The following BRD7 variants were observed in gnomAD, a reference collection of about 807,000 sequenced individuals.
BRD7 encodes bromodomain containing 7.
In BRD7, 15 loss-of-function variants were observed where a neutral mutation model predicts 82.1. The observed-to-expected ratio is 0.18, with a 90% CI of 0.12 to 0.28. The LOEUF (loss-of-function observed/expected upper bound fraction) is 0.28. BRD7 is among the 10% of genes least tolerant of loss of function. The pLI, the probability that BRD7 is intolerant of heterozygous loss-of-function variation, is 1.00. For synonymous variants in BRD7, 232 were observed against 266.9 expected (o/e 0.87, Z 1.27); for missense variants, 638 against 779.9 (o/e 0.82, Z 2.17).
chr16:50,354,406 A>G lies in BRD7; in HGVS notation c.446+19T>C, dbSNP rs767893002. On this transcript the variant is annotated intron_variant, in intron 4 of 16. Coordinates refer to ENST00000394688, the MANE Select transcript of BRD7 (RefSeq NM_013263.5). ...CCATTTTAATTTCTATGTTATAAAA[A>G]TATTGGAAAAACATTTACCTCTGCA... 22 of 1,597,788 alleles carry G rather than the reference A, an allele frequency of 1.4e-5. No homozygotes were observed. The African/African-American group carries it at 2.8e-4, about 20-fold the overall frequency.
At chr16:50,325,934 T>C (rs180845857) in intron 10 of BRD7, 51 bp from the exon 11 acceptor site, 1 of 1,511,606 alleles carries the variant, frequency 6.6e-7, no homozygotes, top group African/African-American at 1.4e-5. Flanking sequence ...TGCATGTCAA[T>C]CTATTTTGTT....
chr16:50,368,369 A>G (rs2039232891), intron 1 of BRD7, 71 bp from the exon 2 acceptor site: 1 of 1,497,216 alleles, frequency 6.7e-7, no homozygotes, highest in Non-Finnish European at 9.1e-7. Context: ...AGTGCTAAGG[A>G]TGCAGAGCGC....
intron 6 of BRD7, among the ~76,000 whole-genome samples, chr16:50,335,917 A>T (rs974532567): frequency 1.3e-5 from 2 of 152,234 alleles, no homozygotes; most frequent in Non-Finnish European, 2.9e-5. Flanking sequence ...AAACCATTAA[A>T]GCGATCTATT....
chr16:50,365,205 G>T (rs1567293453), intron 2 of BRD7, among the ~76,000 whole-genome samples: 1 of 152,216 alleles, frequency 6.6e-6, no homozygotes, highest in Non-Finnish European at 1.5e-5. Context: ...AAACTGGGTG[G>T]TAAGACCTTC....
intron 5 of BRD7, among the ~76,000 whole-genome samples, chr16:50,346,172 A>G (rs1429580668): frequency 1.3e-5 from 2 of 152,168 alleles, no homozygotes; most frequent in South Asian, 2.1e-4. Flanking sequence ...AATGACTACC[A>G]GGTACATAAC....
intron 8 of BRD7, among the ~76,000 whole-genome samples, chr16:50,329,032 G>A (rs561170605): frequency 2.2e-4 from 34 of 152,150 alleles, no homozygotes; most frequent in East Asian, 1.9e-3. Flanking sequence ...TCATCATGTC[G>A]GAGCTCAAAA....
chr16:50,333,985 G>T (rs964231545), intron 7 of BRD7, among the ~76,000 whole-genome samples: 5 of 152,188 alleles, frequency 3.3e-5, no homozygotes, highest in Non-Finnish European at 7.4e-5. Flanking sequence ...ACATTACTTT[G>T]AAGGGAGAAC....
At chr16:50,341,607 C>T (rs1219105486) in intron 5 of BRD7, among the ~76,000 whole-genome samples, 4 of 145,602 alleles carry the variant, frequency 2.7e-5, no homozygotes, top group African/African-American at 7.8e-5. Flanking sequence ...CATGCCACTG[C>T]ACTCCAGCCT....
intron 8 of BRD7, among the ~76,000 whole-genome samples, chr16:50,331,676 C>A (rs1320378168): frequency 6.6e-6 from 1 of 152,204 alleles, no homozygotes; most frequent in East Asian, 1.9e-4. Context: ...CACACTCCAG[C>A]CTGGGCGACA....
intron 2 of BRD7, among the ~76,000 whole-genome samples, chr16:50,364,143 T>C (rs992670572): frequency 3.3e-5 from 5 of 152,044 alleles, no homozygotes; most frequent in Admixed American, 2.0e-4. Context: ...TTCTGGTTAG[T>C]AAAACATAAG....
At chr16:50,363,900 T>C (rs2039037123) in intron 2 of BRD7, among the ~76,000 whole-genome samples, 1 of 151,984 alleles carries the variant, frequency 6.6e-6, no homozygotes, top group South Asian at 2.1e-4. Flanking sequence ...TACAAAAGAA[T>C]GTTTTTGAAA....
At chr16:50,321,914 C>T in intron 13 of BRD7, 68 bp downstream of exon 13, 1 of 1,459,986 alleles carries the variant, frequency 6.8e-7, no homozygotes, top group Non-Finnish European at 9.5e-7. Flanking sequence ...CCTTCCCATT[C>T]TCAAGACTTC....
At chr16:50,346,531 AAG>A (rs1491117546) in intron 5 of BRD7, among the ~76,000 whole-genome samples, 2 of 152,190 alleles carry the variant, frequency 1.3e-5, no homozygotes, top group African/African-American at 2.4e-5. Flanking sequence ...TAGCAAGACT[AAG>A]AAGAAAACAG....
intron 13 of BRD7, 87 bp from the exon 14 acceptor site, chr16:50,320,861 A>C: frequency 1.1e-6 from 1 of 883,480 alleles, no homozygotes; most frequent in South Asian, 1.4e-5. Context: ...GCATGTATTT[A>C]CAGGCAAAGT....
rs374792308 is a variant in BRD7 at position 50,363,641 on chromosome 16, T to TTGTGTGTGTGTGTGTG, written c.258+4433_258+4448dup. ...AATTGTAAGGCTTTACGTTGTGTGTTTGTGTGTGTGTGTGTGTGTGCGCGC... is the reference window on the plus strand; with the variant it reads ...AATTGTAAGGCTTTACGTTGTGTGTTTGTGTGTGTGTGTGTGTGTGTGTGTGTGTGTGTGTGCGCGC... On this transcript the variant is annotated intron_variant, in intron 2 of 16. Coordinates refer to ENST00000394688, the MANE Select transcript of BRD7 (RefSeq NM_013263.5). Among the ~76,000 whole-genome samples, 27 of 149,174 alleles carry TTGTGTGTGTGTGTGTG rather than the reference T, an allele frequency of 1.8e-4. 1 individual carries two copies. The highest frequency in any genetic ancestry group is 1.3e-4 in the African/African-American group (5 of 39,490).
chr16:50,366,691 A>G (rs1420055947), intron 2 of BRD7, among the ~76,000 whole-genome samples: 1 of 152,232 alleles, frequency 6.6e-6, no homozygotes, highest in Non-Finnish European at 1.5e-5. Context: ...AGAAATAAGT[A>G]GGCAAGGAAA....
At chr16:50,364,482 T>C (rs1433772905) in intron 2 of BRD7, among the ~76,000 whole-genome samples, 2 of 152,198 alleles carry the variant, frequency 1.3e-5, no homozygotes, top group East Asian at 1.9e-4. Flanking sequence ...CCAGAGGATC[T>C]GAAGTCTCTA....
chr16:50,346,772 C>G (rs941602601), intron 5 of BRD7, among the ~76,000 whole-genome samples: 6 of 151,268 alleles, frequency 4.0e-5, no homozygotes, highest in African/African-American at 1.5e-4. Context: ...GAGGCAATAG[C>G]CTACCAACCA....
intron 2 of BRD7, among the ~76,000 whole-genome samples, chr16:50,367,544 G>C (rs1377014153): frequency 6.6e-6 from 1 of 152,172 alleles, no homozygotes; most frequent in Non-Finnish European, 1.5e-5. Context: ...ATTTTGCCCA[G>C]CTTTCAAACC....
Sources: gnomAD v4.1 joint callset for allele counts (sites outside exome capture counted in the v4.1 genomes callset) on GRCh38, gnomAD v4.1.1 for gene constraint, MANE v1.5 for transcripts, NCBI Gene and HGNC (gene_info 2026-07-23, HGNC 2026-07-21) for gene names.